CACNB2: variants seen among roughly 807,000 people sequenced by gnomAD.
CACNB2 encodes voltage-dependent L-type calcium channel subunit beta-2.
A neutral mutation model predicts 73.3 loss-of-function variants in CACNB2; 42 were observed. The ratio of observed to expected loss-of-function variants is 0.57; its 90% CI spans 0.45 to 0.74. CACNB2 has a LOEUF of 0.74. Among genes scored for constraint, CACNB2 ranks in the 30% least tolerant of loss-of-function variants. CACNB2 has a pLI of 0.00. For synonymous variants in CACNB2, 348 were observed against 310.3 expected (o/e 1.12, Z -1.28); for missense variants, 940 against 853.0 (o/e 1.10, Z -1.27).
intron 1 of CACNB2, among the ~76,000 whole-genome samples, chr10:18,149,774 C>T (rs936443727): frequency 3.9e-5 from 6 of 152,168 alleles, no homozygotes; most frequent in African/African-American, 1.4e-4. Flanking sequence ...ACATGTTATA[C>T]GCTTTAGTCC....
At chr10:18,514,116 G>T in intron 6 of CACNB2, 120 bp from the exon 7 acceptor site, 1 of 990,756 alleles carries the variant, frequency 1.0e-6, no homozygotes, top group South Asian at 1.3e-5. Context: ...CTTGCGTACT[G>T]TGTTGAGCAC....
intron 2 of CACNB2, among the ~76,000 whole-genome samples, chr10:18,248,931 G>C (rs1398516424): frequency 6.6e-6 from 1 of 152,140 alleles, no homozygotes; most frequent in African/African-American, 2.4e-5. Flanking sequence ...GGGGGAAAAA[G>C]ACCACTCTGG....
At chr10:18,155,552 A>G (rs1466242726) in intron 2 of CACNB2, among the ~76,000 whole-genome samples, 1 of 152,202 alleles carries the variant, frequency 6.6e-6, no homozygotes, top group East Asian at 1.9e-4. Context: ...ACACATATGT[A>G]TGCATTTTTG....
At chr10:18,248,659 A>T (rs1056700618) in intron 2 of CACNB2, among the ~76,000 whole-genome samples, 21 of 152,250 alleles carry the variant, frequency 1.4e-4, no homozygotes, top group African/African-American at 4.8e-4. Context: ...CTCATTGGAC[A>T]TATCCAATAT....
intron 2 of CACNB2, among the ~76,000 whole-genome samples, chr10:18,176,774 G>C (rs1052937553): frequency 6.6e-6 from 1 of 151,878 alleles, no homozygotes; most frequent in African/African-American, 2.4e-5. Context: ...GGGCAGCCAT[G>C]TTTCAGAGAA....
At chr10:18,516,233 A>C (rs1423546044) in intron 7 of CACNB2, among the ~76,000 whole-genome samples, 1 of 152,178 alleles carries the variant, frequency 6.6e-6, no homozygotes, top group East Asian at 1.9e-4. Context: ...AAAGAAAAAA[A>C]AAATCAAGCT....
intron 2 of CACNB2, among the ~76,000 whole-genome samples, chr10:18,306,901 T>G (rs906372153): frequency 2.0e-5 from 3 of 152,202 alleles, no homozygotes; most frequent in African/African-American, 7.2e-5. Context: ...TATAAAAGGT[T>G]GTGATCTGAG....
At chr10:18,500,145 C>G (rs1235006524) in intron 4 of CACNB2, among the ~76,000 whole-genome samples, 5 of 152,062 alleles carry the variant, frequency 3.3e-5, no homozygotes. Flanking sequence ...ATGATTGATG[C>G]TGAAAGGGGG....
intron 1 of CACNB2, among the ~76,000 whole-genome samples, chr10:18,141,620 T>G (rs897682057): frequency 2.0e-5 from 3 of 152,226 alleles, no homozygotes; most frequent in Admixed American, 2.0e-4. Context: ...CTGCAGGTTG[T>G]TGTGAAATTG....
chr10:18,534,912 A>C (rs2053418026), intron 11 of CACNB2, among the ~76,000 whole-genome samples: 1 of 152,226 alleles, frequency 6.6e-6, no homozygotes, highest in Non-Finnish European at 1.5e-5. Flanking sequence ...TCTTGGACAA[A>C]ATAAGCCTGT....
rs748362401 is a variant in CACNB2, at chr10:18,527,543, T to G, written c.945-45T>G. 4 of 1,245,234 alleles carry G rather than the reference T, an allele frequency of 3.2e-6. No individual in the cohort carries two copies. The African/African-American group carries it at 5.9e-5, about 18-fold the overall frequency. The allele number at this position is 1,245,234 out of a possible 1,614,324, so 77.1% of individuals were successfully genotyped here. A position where few individuals can be genotyped will look rare whatever the true frequency, so the allele number is the denominator to read the frequency against. The stretch of plus-strand genomic sequence containing the variant: ...GGCATACACTTCTATCCCCTTTGAT[T>G]AGACCAATAACCTTAAGGTCTTCTG... On this transcript the variant is annotated intron_variant, in intron 9 of 13. Transcript: ENST00000324631.
At chr10:18,293,067 A>G (rs16917148) in intron 2 of CACNB2, among the ~76,000 whole-genome samples, 5,471 of 152,296 alleles carry the variant, frequency 0.036, 323 homozygotes, top group African/African-American at 0.13. Flanking sequence ...AAATAGCACC[A>G]TATTTGTCTA....
At chr10:18,299,048 C>A in intron 2 of CACNB2, among the ~76,000 whole-genome samples, 1 of 114,296 alleles carries the variant, frequency 8.7e-6, no homozygotes. Context: ...GCACATGTAC[C>A]CTAAAACTTA....
chr10:18,428,273 G>A (rs1171672147), intron 3 of CACNB2, among the ~76,000 whole-genome samples: 7 of 151,880 alleles, frequency 4.6e-5, no homozygotes, highest in South Asian at 4.2e-4. Context: ...GCATTTACTC[G>A]TCTTACTTTG....
intron 2 of CACNB2, among the ~76,000 whole-genome samples, chr10:18,384,222 G>A (rs1409463402): frequency 6.6e-6 from 1 of 152,100 alleles, no homozygotes; most frequent in Non-Finnish European, 1.5e-5. Flanking sequence ...ATCACGATCT[G>A]TGGTCATGTT....
intron 2 of CACNB2, among the ~76,000 whole-genome samples, chr10:18,181,002 A>G (rs1208676340): frequency 6.6e-6 from 1 of 151,598 alleles, no homozygotes; most frequent in East Asian, 1.9e-4. Context: ...AAAGAAATAT[A>G]AGAAAATGGA....
chr10:18,345,106 T>C (rs1214766966), intron 2 of CACNB2, among the ~76,000 whole-genome samples: 2 of 152,232 alleles, frequency 1.3e-5, no homozygotes, highest in Non-Finnish European at 2.9e-5. Context: ...TAATTTTGTT[T>C]TCATAGATAA....
intron 2 of CACNB2, among the ~76,000 whole-genome samples, chr10:18,357,106 G>T (rs569132500): frequency 1.3e-5 from 2 of 150,244 alleles, no homozygotes; most frequent in Non-Finnish European, 3.0e-5. Context: ...CACCATGCCC[G>T]GCTAATTTTT....
At chr10:18,205,877 G>A (rs1358397813) in intron 2 of CACNB2, among the ~76,000 whole-genome samples, 1 of 152,160 alleles carries the variant, frequency 6.6e-6, no homozygotes, top group Non-Finnish European at 1.5e-5. Flanking sequence ...CTTTGTTCTT[G>A]CTCCAATTTG....
Sources: gnomAD v4.1 joint callset for allele counts (sites outside exome capture counted in the v4.1 genomes callset) on GRCh38, gnomAD v4.1.1 for gene constraint, MANE v1.5 for transcripts, NCBI Gene and HGNC (gene_info 2026-07-23, HGNC 2026-07-21) for gene names.